The following AMPD1 variants were observed in gnomAD, a reference collection of about 807,000 sequenced individuals.
AMPD1 encodes the protein AMP deaminase 1.
Under a neutral mutation model 82.9 loss-of-function variants are expected in AMPD1, and 74 were observed. That is an observed-to-expected ratio of 0.89 (90% CI 0.74 to 1.08). The LOEUF is 1.08. Among genes scored for constraint, AMPD1 ranks in the 50% least tolerant of loss-of-function variants. The pLI, the probability that AMPD1 is intolerant of heterozygous loss-of-function variation, is 0.00. For synonymous variants in AMPD1, 333 were observed against 320.5 expected, an observed-to-expected ratio of 1.04 and a Z score of -0.42; for missense variants, 881 against 924.5, an observed-to-expected ratio of 0.95 and a Z score of 0.61.
Position 114,674,769 on chromosome 1 carries a change from C to T in AMPD1, c.1783G>A (p.Gly595Ser), listed in dbSNP as rs777838813. The T allele has an allele frequency of 1.2e-6, 2 of 1,613,642 alleles. No individual in the cohort carries two copies. Among genetic ancestry groups the T allele is most frequent in the African/African-American group, 2.7e-5 (2 of 74,882 alleles). ...CAACTCACCTTTTTTAAATTTAGGC[C>T]ATGAGAGATATCATCTGCTATCATG... ...AFMIADDISH[G>S]LNLKKSPVLQ... is the part of the protein sequence containing the mutation. Residue 595 changes from glycine (G) to serine (S), a missense_variant, in exon 13 of 16, where the codon GGC becomes AGC. Physicochemically the swap from Gly to Ser is moderately conservative, Grantham distance 56. This residue lies in a region of AMPD1 where 783 missense variants were observed against 786.4 expected (regional missense o/e 1.00). Coordinates refer to ENST00000520113, the MANE Select transcript of AMPD1 (RefSeq NM_000036.3).
intron 2 of AMPD1, among the ~76,000 whole-genome samples, chr1:114,691,418 A>G (rs1357327516): frequency 6.6e-6 from 1 of 151,532 alleles, no homozygotes; most frequent in Non-Finnish European, 1.5e-5. Context: ...TTTTTCAAAA[A>G]TTAGCCAAGC....
chr1:114,686,755 T>G lies in AMPD1; in HGVS notation c.371A>C (p.Tyr124Ser), dbSNP rs919263757. 6 of 1,613,952 alleles carry G rather than the reference T, an allele frequency of 3.7e-6. No homozygotes were observed. In the African/African-American group the frequency reaches 6.7e-5, roughly 18 times the overall value. ...DFQRVQITGD[Y>S]ASGVTVEDFE... ...CAAGGACCAACTCACCCCAGAGGCA[T>G]AGTCACCAGTAATCTGCACTCTCTG... is the stretch of plus-strand genomic sequence containing the variant. The change falls in exon 4 of 16, where the codon TAT (tyrosine) becomes TCT (serine). Residue 124 changes from tyrosine to serine, a missense_variant. Physicochemically the swap from Tyr to Ser is moderately radical, Grantham distance 144 (BLOSUM62 -2). This residue lies in a region of AMPD1 where 783 missense variants were observed against 786.4 expected (regional missense o/e 1.00). Transcript: ENST00000520113.
At chr1:114,693,341 T>G in intron 2 of AMPD1, 95 bp downstream of exon 2, 1 of 1,237,730 alleles carries the variant, frequency 8.1e-7, no homozygotes, top group South Asian at 1.2e-5. Context: ...TAATAAACAC[T>G]GCTGAAAAAT....
Position 114,674,820 on chromosome 1 carries a change from C to T in AMPD1, c.1732G>A (p.Ala578Thr), listed in dbSNP as rs767292629. 2.4e-5 allele frequency: 39 copies of T among 1,613,776 alleles called. No individual in the cohort carries two copies. Among genetic ancestry groups the T allele is most frequent in the Non-Finnish European group, 3.1e-5 (37 of 1,179,820 alleles). Residue 578 changes from alanine (A) to threonine (T), a missense_variant, in exon 13 of 16, where the codon GCC (alanine) becomes ACC (threonine). By Grantham distance (58) the Ala-to-Thr change is moderately conservative. This residue lies in a region of AMPD1 where 783 missense variants were observed against 786.4 expected (regional missense o/e 1.00). Coordinates refer to ENST00000520113, the MANE Select transcript of AMPD1 (RefSeq NM_000036.3). Reference sequence around the variant, plus strand: ...AATGCTGTCATGAGATGGGTGAGGGCTCCAGCTTCTCCACAGTGAGGTCGG... The same window carrying T: ...AATGCTGTCATGAGATGGGTGAGGGTTCCAGCTTCTCCACAGTGAGGTCGG... Reference protein sequence around the residue: ...LFRPHCGEAGALTHLMTAFMI... With the variant: ...LFRPHCGEAGTLTHLMTAFMI...
intron 1 of AMPD1, 43 bp from the exon 2 acceptor site, chr1:114,693,490 T>G: frequency 6.4e-7 from 1 of 1,573,018 alleles, no homozygotes; most frequent in Non-Finnish European, 8.8e-7. Context: ...TGTGAACAAC[T>G]TTCTGTAATC....
At chr1:114,689,694 G>A (rs1418276734) in intron 2 of AMPD1, among the ~76,000 whole-genome samples, 1 of 152,190 alleles carries the variant, frequency 6.6e-6, no homozygotes, top group African/African-American at 2.4e-5. Flanking sequence ...GTGCATGCCT[G>A]TAATCCCAGC....
At chr1:114,692,555 C>A (rs1358154316) in intron 2 of AMPD1, among the ~76,000 whole-genome samples, 1 of 151,820 alleles carries the variant, frequency 6.6e-6, no homozygotes, top group African/African-American at 2.4e-5. Context: ...GGGTGGTGGG[C>A]ACCTGTAAAC....
At position 114,679,691 on chromosome 1, in the gene AMPD1, C is replaced by T. The variant is rs764094155; in HGVS notation, c.785G>A (p.Arg262Gln). 3.3e-5 allele frequency: 53 copies of T among 1,613,688 alleles called. No homozygotes were observed. The Admixed American group carries it at 3.8e-4, about 12-fold the overall frequency. ...AQGPVKTYTH[R>Q]RLKFLSSKFQ... ...CTTGGAGGAGAGGAACTTCAGGCGC[C>T]GGTGGGTATAGGTCTTACTGTGAAA... Residue 262 changes from arginine (R) to glutamine (Q), a missense_variant, in exon 7 of 16, where the codon CGG becomes CAG. By Grantham distance (43) the Arg-to-Gln change is conservative (BLOSUM62 1). Transcript: ENST00000520113.
intron 3 of AMPD1, chr1:114,687,147 C>T (rs781239432): frequency 1.8e-6 from 1 of 561,644 alleles, no homozygotes; most frequent in Non-Finnish European, 3.2e-6. Flanking sequence ...TACTAGAAGA[C>T]CTTCACCATG....
chr1:114,679,959 T>A (rs1302835423), intron 6 of AMPD1, among the ~76,000 whole-genome samples: 2 of 152,204 alleles, frequency 1.3e-5, no homozygotes, highest in African/African-American at 4.8e-5. Flanking sequence ...AGAGTGTTAT[T>A]CAAAGTTTGG....
At chr1:114,695,368 A>G in intron 1 of AMPD1, 82 bp downstream of exon 1, 13 of 1,569,390 alleles carry the variant, frequency 8.3e-6, no homozygotes, top group Non-Finnish European at 1.1e-5. Flanking sequence ...CAAAGCTGAT[A>G]TGGTAGCTAA....
In AMPD1 at chr1:114,679,683, T is replaced by C. The variant is rs886044350; in HGVS notation, c.793A>G (p.Lys265Glu). 2.2e-5 allele frequency: 35 copies of C among 1,613,980 alleles called. No individual in the cohort carries two copies. Among genetic ancestry groups the C allele is most frequent in the Non-Finnish European group, 2.9e-5 (34 of 1,180,010 alleles). Residue 265 changes from lysine to glutamate, a missense_variant, in exon 7 of 16, where the codon AAG (lysine) becomes GAG (glutamate). This residue lies in a region of AMPD1 where 783 missense variants were observed against 786.4 expected (regional missense o/e 1.00). Transcript: ENST00000520113. ...ACCTGGAACTTGGAGGAGAGGAACT[T>C]CAGGCGCCGGTGGGTATAGGTCTTA... ...PVKTYTHRRL[K>E]FLSSKFQVHQ...
intron 4 of AMPD1, among the ~76,000 whole-genome samples, chr1:114,686,430 T>C (rs907372546): frequency 6.6e-6 from 1 of 152,104 alleles, no homozygotes; most frequent in African/African-American, 2.4e-5. Context: ...TCAGTGAGAC[T>C]TGACCACTCT....
chr1:114,694,028 T>G (rs1200275865), intron 1 of AMPD1, among the ~76,000 whole-genome samples: 3 of 152,080 alleles, frequency 2.0e-5, no homozygotes, highest in Non-Finnish European at 4.4e-5. Flanking sequence ...AGATATTCAC[T>G]GTGTTATATG....
At chr1:114,691,755 G>A (rs1183485890) in intron 2 of AMPD1, among the ~76,000 whole-genome samples, 2 of 152,106 alleles carry the variant, frequency 1.3e-5, no homozygotes, top group East Asian at 3.9e-4. Context: ...GTGAAACCAC[G>A]TCTCTACTAA....
chr1:114,687,115 C>T (rs1658344411), intron 3 of AMPD1: 1 of 628,902 alleles, frequency 1.6e-6, no homozygotes, highest in Non-Finnish European at 2.9e-6. Flanking sequence ...CCTGGTCTAC[C>T]TTGGAATGGC....
intron 4 of AMPD1, 117 bp from the exon 5 acceptor site, chr1:114,684,481 CT>C: frequency 9.9e-7 from 1 of 1,007,810 alleles, no homozygotes; most frequent in South Asian, 1.4e-5. Flanking sequence ...CATTCTGAGA[CT>C]CACCACTCAC....
chr1:114,676,184 G>A, intron 10 of AMPD1, 181 bp from the exon 11 acceptor site: 1 of 709,604 alleles, frequency 1.4e-6, no homozygotes, highest in Non-Finnish European at 2.3e-6. Flanking sequence ...AGTTTGGGCA[G>A]CACATAGGAA....
At chr1:114,678,601 G>T (rs1658069654) in intron 7 of AMPD1, 74 bp from the exon 8 acceptor site, 2 of 1,370,828 alleles carry the variant, frequency 1.5e-6, no homozygotes, top group Admixed American at 3.4e-5. Flanking sequence ...AGGATATGGT[G>T]CTGCAAATCC....
Sources: gnomAD v4.1 joint callset for allele counts (sites outside exome capture counted in the v4.1 genomes callset) on GRCh38, gnomAD v4.1.1 for gene constraint, gnomAD v4.1.1 regional missense constraint, MANE v1.5 for transcripts, NCBI Gene and HGNC (gene_info 2026-07-23, HGNC 2026-07-21) for gene names.